COMMD1: variants seen among roughly 807,000 people sequenced by gnomAD.
COMMD1 encodes the protein copper metabolism domain containing 1.
In COMMD1, 10 loss-of-function variants were observed where a neutral mutation model predicts 17.2. That is an observed-to-expected ratio of 0.58 (90% CI 0.36 to 0.99). COMMD1 has a LOEUF of 0.99. COMMD1 is among the 50% of genes least tolerant of loss of function. The probability of loss-of-function intolerance (pLI) is 0.01; values close to 1 mark genes in which losing one functional copy is unlikely to be tolerated. For missense variants in COMMD1, 270 were observed against 231.8 expected, an observed-to-expected ratio of 1.17 and a Z score of -1.07; for synonymous variants, 97 against 91.6, an observed-to-expected ratio of 1.06 and a Z score of -0.34.
At chr2:61,999,681 A>C (rs1573050486) in intron 1 of COMMD1, among the ~76,000 whole-genome samples, 1 of 152,192 alleles carries the variant, frequency 6.6e-6, no homozygotes, top group East Asian at 1.9e-4. Context: ...CTCCTGCCTC[A>C]GCTTCCCAAG....
At chr2:62,118,742 A>G (rs1334137179) in intron 2 of COMMD1, among the ~76,000 whole-genome samples, 6 of 152,350 alleles carry the variant, frequency 3.9e-5, no homozygotes, top group Middle Eastern at 6.8e-3. Flanking sequence ...ATCAAGTTCA[A>G]TGAGGGTGAG....
At chr2:62,086,353 C>CAA (rs562633867) in intron 2 of COMMD1, among the ~76,000 whole-genome samples, 1 of 151,266 alleles carries the variant, frequency 6.6e-6, no homozygotes, top group Non-Finnish European at 1.5e-5. Flanking sequence ...ACTAAAAATA[C>CAA]AAAAAAAATT....
chr2:62,000,673 T>A (rs1279103537), intron 1 of COMMD1, 28 bp from the exon 2 acceptor site: 1 of 1,611,178 alleles, frequency 6.2e-7, no homozygotes, highest in African/African-American at 1.3e-5. Context: ...TTAATTCAAA[T>A]TTTTTGCTTT....
chr2:62,039,350 TTG>T (rs1434499776), intron 2 of COMMD1, among the ~76,000 whole-genome samples: 3 of 152,258 alleles, frequency 2.0e-5, no homozygotes, highest in Non-Finnish European at 2.9e-5. Context: ...GTCCTGGCAG[TTG>T]TCCCAGCCTT....
chr2:62,055,323 A>G (rs1037582935), intron 2 of COMMD1: 2 of 417,844 alleles, frequency 4.8e-6, no homozygotes, highest in African/African-American at 4.2e-5. Flanking sequence ...AAAAAGGAAG[A>G]GTTTATTTGA....
chr2:61,943,138 A>C (rs1670797454), intron 1 of COMMD1, among the ~76,000 whole-genome samples: 1 of 152,232 alleles, frequency 6.6e-6, no homozygotes, highest in Non-Finnish European at 1.5e-5. Flanking sequence ...TAGGAACTTT[A>C]TAGTTGCAGA....
At chr2:61,947,704 T>A (rs1245575305) in intron 1 of COMMD1, among the ~76,000 whole-genome samples, 6 of 144,834 alleles carry the variant, frequency 4.1e-5, no homozygotes, top group South Asian at 2.1e-4. Context: ...ACAAAAAAAA[T>A]TTTTTTTTGT....
chr2:62,001,178 G>C (rs1668929498), intron 2 of COMMD1, 196 bp downstream of exon 2: 1 of 593,732 alleles, frequency 1.7e-6, no homozygotes, highest in Non-Finnish European at 3.0e-6. Flanking sequence ...TAGCCTCAGG[G>C]TCCTGGCAGC....
intron 2 of COMMD1, among the ~76,000 whole-genome samples, chr2:62,017,268 G>C (rs1000800483): frequency 6.6e-6 from 1 of 152,216 alleles, no homozygotes; most frequent in Non-Finnish European, 1.5e-5. Context: ...CCTAGTGAAT[G>C]TAACAGTGTT....
At chr2:61,940,540 C>T (rs13417810) in intron 1 of COMMD1, among the ~76,000 whole-genome samples, 1,984 of 152,234 alleles carry the variant, frequency 0.013, 31 homozygotes, top group African/African-American at 0.044. Context: ...CAGGCCTTTT[C>T]GTCAAATTTA....
intron 2 of COMMD1, among the ~76,000 whole-genome samples, chr2:62,021,417 G>A (rs1201248799): frequency 1.3e-5 from 2 of 152,156 alleles, no homozygotes. Flanking sequence ...TTGAGGAGCA[G>A]AAGGAAAGCT....
At chr2:62,131,191 A>T (rs1213087875) in intron 2 of COMMD1, among the ~76,000 whole-genome samples, 1 of 152,232 alleles carries the variant, frequency 6.6e-6, no homozygotes, top group Non-Finnish European at 1.5e-5. Context: ...GTAATTTGGA[A>T]TGGCTATTTA....
intron 2 of COMMD1, among the ~76,000 whole-genome samples, chr2:62,101,783 G>T (rs1475423969): frequency 1.3e-5 from 2 of 152,118 alleles, no homozygotes; most frequent in Non-Finnish European, 2.9e-5. Context: ...AAGCTTCCAT[G>T]CCCTCTCCAG....
chr2:61,900,619 G>C (rs1003463149), intron 1 of COMMD1, among the ~76,000 whole-genome samples: 1 of 152,154 alleles, frequency 6.6e-6, no homozygotes. Flanking sequence ...ATGAATGTCT[G>C]ATCTCTTCCT....
intron 2 of COMMD1, among the ~76,000 whole-genome samples, chr2:62,106,528 T>C (rs1672328196): frequency 6.6e-6 from 1 of 152,210 alleles, no homozygotes. Flanking sequence ...CTCAGCTAAT[T>C]AGATCAGAGG....
chr2:62,110,942 CAA>C (rs1558603820), intron 2 of COMMD1, among the ~76,000 whole-genome samples: 2 of 151,692 alleles, frequency 1.3e-5, no homozygotes, highest in South Asian at 4.2e-4. Flanking sequence ...TTCTCTGAAA[CAA>C]AAAAAGAGTG....
chr2:61,978,833 A>G (rs2103745980), intron 1 of COMMD1, among the ~76,000 whole-genome samples: 1 of 152,316 alleles, frequency 6.6e-6, no homozygotes, highest in South Asian at 2.1e-4. Flanking sequence ...GAAAATTGGC[A>G]TAGCATCACT....
intron 2 of COMMD1, among the ~76,000 whole-genome samples, chr2:62,135,489 TCA>T (rs1289736013): frequency 6.6e-6 from 1 of 152,108 alleles, no homozygotes; most frequent in African/African-American, 2.4e-5. Context: ...TAGCTGGGAC[TCA>T]CAGGTGCCCG....
At chr2:62,121,750 AAAAG>A (rs549646178) in intron 2 of COMMD1, among the ~76,000 whole-genome samples, 20 of 152,090 alleles carry the variant, frequency 1.3e-4, no homozygotes, top group South Asian at 2.1e-4. Flanking sequence ...AAAAAAAAAA[AAAAG>A]AGAGAGAGAA....
Sources: allele counts gnomAD v4.1 joint callset (sites outside exome capture counted in the v4.1 genomes callset), GRCh38; gene constraint gnomAD v4.1.1; transcripts MANE v1.5; gene names NCBI Gene and HGNC (gene_info 2026-07-23, HGNC 2026-07-21).